The following GRM8 variants were observed in gnomAD, a reference collection of about 807,000 sequenced individuals.
GRM8 encodes the protein metabotropic glutamate receptor 8.
Under a neutral mutation model 87.2 loss-of-function variants are expected in GRM8, and 47 were observed. The ratio of observed to expected loss-of-function variants is 0.54; its 90% CI spans 0.43 to 0.69. The LOEUF is 0.69. Among genes scored for constraint, GRM8 ranks in the 30% least tolerant of loss-of-function variants. The pLI is 0.00. For missense variants in GRM8, 1,019 were observed against 1,139.2 expected, an observed-to-expected ratio of 0.89 and a Z score of 1.52; for synonymous variants, 396 against 404.5, an observed-to-expected ratio of 0.98 and a Z score of 0.25.
chr7:126,782,803 C>A (rs927301641), intron 6 of GRM8, among the ~76,000 whole-genome samples: 10 of 152,110 alleles, frequency 6.6e-5, no homozygotes, highest in Admixed American at 2.0e-4. Flanking sequence ...ACAATTCTTG[C>A]CTCTGTACAA....
At chr7:127,031,622 A>G (rs1434435720) in intron 3 of GRM8, among the ~76,000 whole-genome samples, 1 of 152,184 alleles carries the variant, frequency 6.6e-6, no homozygotes, top group African/African-American at 2.4e-5. Flanking sequence ...AATTAATAAG[A>G]TCACCTTATT....
intron 2 of GRM8, among the ~76,000 whole-genome samples, chr7:127,195,646 T>C (rs1399970596): frequency 6.6e-6 from 1 of 152,108 alleles, no homozygotes; most frequent in Non-Finnish European, 1.5e-5. Context: ...CCCACCATTT[T>C]CCCAGGAACA....
chr7:126,804,886 C>CAG (rs1792502687), intron 6 of GRM8, among the ~76,000 whole-genome samples: 1 of 152,174 alleles, frequency 6.6e-6, no homozygotes, highest in Admixed American at 6.5e-5. Context: ...CTATCTTGCT[C>CAG]TGCTAGAAAC....
chr7:126,762,878 T>C (rs1321971000), intron 7 of GRM8, among the ~76,000 whole-genome samples: 2 of 152,000 alleles, frequency 1.3e-5, no homozygotes, highest in African/African-American at 4.8e-5. Flanking sequence ...CTGATCAATA[T>C]AATACATTTT....
intron 3 of GRM8, among the ~76,000 whole-genome samples, chr7:126,956,734 GA>G (rs1808727447): frequency 6.6e-6 from 1 of 152,112 alleles, no homozygotes; most frequent in Non-Finnish European, 1.5e-5. Flanking sequence ...CATGAACAGG[GA>G]AAAACAATAA....
At chr7:127,126,760 A>C (rs553737882) in intron 2 of GRM8, among the ~76,000 whole-genome samples, 24 of 151,976 alleles carry the variant, frequency 1.6e-4, no homozygotes, top group Non-Finnish European at 3.4e-4. Context: ...CAAAATAAGA[A>C]ACCTCTTCAC....
intron 3 of GRM8, among the ~76,000 whole-genome samples, chr7:127,026,690 G>GGGGTT (rs1816814039): frequency 6.6e-6 from 1 of 151,736 alleles, no homozygotes; most frequent in African/African-American, 2.4e-5. Flanking sequence ...ACTTTTTGAT[G>GGGGTT]GTTTTTTCTT....
intron 3 of GRM8, among the ~76,000 whole-genome samples, chr7:126,929,052 T>C (rs934679743): frequency 1.3e-5 from 2 of 151,822 alleles, no homozygotes; most frequent in Admixed American, 6.6e-5. Flanking sequence ...ACATACTCAG[T>C]ATGGAAGGAG....
intron 3 of GRM8, among the ~76,000 whole-genome samples, chr7:127,031,737 C>T (rs149521167): frequency 2.0e-3 from 310 of 152,250 alleles, no homozygotes; most frequent in Admixed American, 5.4e-3. Context: ...ACTATCCTAA[C>T]ATCAATACTG....
At chr7:126,817,962 C>G (rs540128085) in intron 6 of GRM8, among the ~76,000 whole-genome samples, 1 of 151,798 alleles carries the variant, frequency 6.6e-6, no homozygotes, top group African/African-American at 2.4e-5. Flanking sequence ...TTTTTGCAAG[C>G]CTTATGGAAT....
chr7:126,500,160 C>A (rs1385402038), intron 9 of GRM8, among the ~76,000 whole-genome samples: 1 of 151,976 alleles, frequency 6.6e-6, no homozygotes, highest in South Asian at 2.1e-4. Flanking sequence ...CAATAGAACA[C>A]CAGAACCTAG....
At chr7:126,661,210 C>T (rs1049687392) in intron 7 of GRM8, among the ~76,000 whole-genome samples, 9 of 152,018 alleles carry the variant, frequency 5.9e-5, no homozygotes, top group African/African-American at 1.4e-4. Flanking sequence ...AACACTTGAA[C>T]GGATGGATAC....
chr7:126,587,714 A>G (rs962182188), intron 8 of GRM8, among the ~76,000 whole-genome samples: 14 of 151,764 alleles, frequency 9.2e-5, no homozygotes, highest in South Asian at 2.1e-4. Context: ...TAGGAGATAT[A>G]CCTAATGTAA....
intron 7 of GRM8, among the ~76,000 whole-genome samples, chr7:126,616,288 C>T (rs1322929860): frequency 1.4e-4 from 22 of 152,230 alleles, no homozygotes; most frequent in African/African-American, 5.1e-4. Context: ...GGGTACATAA[C>T]GAAATGAAGT....
intron 3 of GRM8, among the ~76,000 whole-genome samples, chr7:126,921,017 C>T (rs890215987): frequency 6.6e-6 from 1 of 152,154 alleles, no homozygotes; most frequent in Non-Finnish European, 1.5e-5. Context: ...GGCTCACAAA[C>T]ACCATGTCAG....
intron 3 of GRM8, among the ~76,000 whole-genome samples, chr7:127,095,260 C>T (rs1824532600): frequency 6.6e-6 from 1 of 152,028 alleles, no homozygotes; most frequent in Admixed American, 6.5e-5. Context: ...ACACAGGGTC[C>T]ATCATGACAA....
chr7:126,875,486 T>C (rs1799455807), intron 6 of GRM8, among the ~76,000 whole-genome samples: 1 of 152,164 alleles, frequency 6.6e-6, no homozygotes, highest in South Asian at 2.1e-4. Context: ...TCTTGTCCAA[T>C]AGCAATCCAA....
At chr7:126,699,011 G>C (rs993244240) in intron 7 of GRM8, among the ~76,000 whole-genome samples, 8 of 152,146 alleles carry the variant, frequency 5.3e-5, no homozygotes, top group African/African-American at 1.9e-4. Flanking sequence ...GAAAGAAGCT[G>C]TTAGATAATT....
intron 7 of GRM8, among the ~76,000 whole-genome samples, chr7:126,708,401 G>A (rs1300565675): frequency 1.3e-5 from 2 of 151,890 alleles, no homozygotes; most frequent in Non-Finnish European, 2.9e-5. Context: ...AATGAAATCA[G>A]TTTATTAAAT....
Sources: allele counts gnomAD v4.1 joint callset (sites outside exome capture counted in the v4.1 genomes callset), GRCh38; gene constraint gnomAD v4.1.1; transcripts MANE v1.5; gene names NCBI Gene and HGNC (gene_info 2026-07-23, HGNC 2026-07-21).